Variants in DOK6 observed in about 807,000 individuals in gnomAD.
DOK6 encodes the protein docking protein 6.
Under a neutral mutation model 44.0 loss-of-function variants are expected in DOK6, and 22 were observed. That is an observed-to-expected ratio of 0.50 (90% CI 0.36 to 0.71). DOK6 has a LOEUF of 0.71. DOK6 is among the 30% of genes least tolerant of loss of function. The pLI is 0.00. For missense variants in DOK6, 340 were observed against 416.4 expected (o/e 0.82, Z 1.60); for synonymous variants, 166 against 145.5 (o/e 1.14, Z -1.01).
chr18:69,421,773 C>A (rs1263776932), intron 1 of DOK6, among the ~76,000 whole-genome samples: 1 of 152,076 alleles, frequency 6.6e-6, no homozygotes, highest in Non-Finnish European at 1.5e-5. Context: ...ATTCATTGGA[C>A]AAAATTGTGT....
chr18:69,712,749 C>A (rs62092674), intron 5 of DOK6, among the ~76,000 whole-genome samples: 1 of 151,772 alleles, frequency 6.6e-6, no homozygotes, highest in African/African-American at 2.4e-5. Flanking sequence ...CAGGAGGCTG[C>A]GGCAGGAGAA....
chr18:69,748,410 C>A (rs1444656816), intron 6 of DOK6, among the ~76,000 whole-genome samples: 3 of 151,848 alleles, frequency 2.0e-5, no homozygotes, highest in Admixed American at 2.0e-4. Context: ...ACCCCCAAAA[C>A]AACAAAATAT....
chr18:69,744,446 G>C (rs1978911622), intron 6 of DOK6, among the ~76,000 whole-genome samples: 1 of 106,774 alleles, frequency 9.4e-6, no homozygotes, highest in Non-Finnish European at 2.4e-5. Flanking sequence ...TTGCATATTT[G>C]TGATTTTTTT....
intron 3 of DOK6, among the ~76,000 whole-genome samples, chr18:69,654,315 T>C (rs1436881425): frequency 6.6e-6 from 1 of 152,190 alleles, no homozygotes; most frequent in Non-Finnish European, 1.5e-5. Context: ...ATTTTTCCAA[T>C]ATGACAAAAG....
intron 7 of DOK6, among the ~76,000 whole-genome samples, chr18:69,816,197 T>G (rs889341882): frequency 6.6e-6 from 1 of 152,194 alleles, no homozygotes. Context: ...CTATTTTGGG[T>G]TATTGAAGAA....
intron 5 of DOK6, among the ~76,000 whole-genome samples, chr18:69,699,471 A>AG (rs1385279288): frequency 6.6e-6 from 1 of 151,992 alleles, no homozygotes. Context: ...AATTTTAAGG[A>AG]GGGAAAAAAC....
At chr18:69,711,359 A>G (rs1986752881) in intron 5 of DOK6, among the ~76,000 whole-genome samples, 1 of 152,240 alleles carries the variant, frequency 6.6e-6, no homozygotes. Flanking sequence ...TTCAAATAAA[A>G]TCATCCTTAA....
chr18:69,659,737 C>G (rs1261527434), intron 3 of DOK6: 1 of 151,004 alleles, frequency 6.6e-6, no homozygotes, highest in Non-Finnish European at 1.5e-5. Context: ...CAGTGTCACT[C>G]TGAACATTGA....
At chr18:69,566,743 G>T (rs563611384) in intron 2 of DOK6, among the ~76,000 whole-genome samples, 1 of 152,324 alleles carries the variant, frequency 6.6e-6, no homozygotes, top group South Asian at 2.1e-4. Context: ...AGATGGAGAA[G>T]TATTTATAGA....
intron 1 of DOK6, among the ~76,000 whole-genome samples, chr18:69,545,856 C>A (rs1232672017): frequency 6.6e-6 from 1 of 151,410 alleles, no homozygotes. Flanking sequence ...TAAGTACATT[C>A]TCTTATAAAA....
intron 3 of DOK6, among the ~76,000 whole-genome samples, chr18:69,629,372 C>T (rs375341984): frequency 3.4e-4 from 51 of 152,122 alleles, no homozygotes; most frequent in African/African-American, 9.6e-4. Flanking sequence ...TTCAATCATA[C>T]TCAATGGCCA....
chr18:69,633,961 T>C (rs747614104), intron 3 of DOK6, among the ~76,000 whole-genome samples: 48 of 152,016 alleles, frequency 3.2e-4, no homozygotes, highest in Non-Finnish European at 5.7e-4. Context: ...GGAAAAGTAA[T>C]ATTGAAAGTC....
At chr18:69,419,221 A>G (rs981760626) in intron 1 of DOK6, among the ~76,000 whole-genome samples, 5 of 152,180 alleles carry the variant, frequency 3.3e-5, no homozygotes, top group African/African-American at 1.2e-4. Context: ...ATGAAATTCT[A>G]TTTTGTAACT....
At chr18:69,537,364 C>A (rs559035598) in intron 1 of DOK6, among the ~76,000 whole-genome samples, 1 of 152,230 alleles carries the variant, frequency 6.6e-6, no homozygotes, top group African/African-American at 2.4e-5. Context: ...TGTCTCAGTG[C>A]ACACTGAGAA....
intron 1 of DOK6, among the ~76,000 whole-genome samples, chr18:69,439,727 G>A (rs867865286): frequency 2.4e-4 from 36 of 152,236 alleles, no homozygotes; most frequent in African/African-American, 8.2e-4. Context: ...TTCTGGATTC[G>A]GCTTTGGCTT....
chr18:69,835,237 T>A (rs762625172), intron 7 of DOK6, among the ~76,000 whole-genome samples: 1 of 151,878 alleles, frequency 6.6e-6, no homozygotes, highest in Admixed American at 6.6e-5. Context: ...CCGAGGTGGG[T>A]GGATCACGAG....
At chr18:69,811,919 T>C (rs77884301) in intron 7 of DOK6, among the ~76,000 whole-genome samples, 5,806 of 152,152 alleles carry the variant, frequency 0.038, 167 homozygotes, top group Middle Eastern at 0.12. Context: ...AATAAATGTT[T>C]AGTGAACATC....
intron 3 of DOK6, among the ~76,000 whole-genome samples, chr18:69,650,965 C>G (rs1007958947): frequency 6.6e-6 from 1 of 152,118 alleles, no homozygotes; most frequent in South Asian, 2.1e-4. Context: ...AATTTAAGAA[C>G]AATCTTGATA....
chr18:69,528,679 C>T (rs1245184804), intron 1 of DOK6, among the ~76,000 whole-genome samples: 1 of 152,166 alleles, frequency 6.6e-6, no homozygotes, highest in Non-Finnish European at 1.5e-5. Flanking sequence ...AATGTATCTC[C>T]ATAGACTGTA....
Sources: allele counts gnomAD v4.1 joint callset (sites outside exome capture counted in the v4.1 genomes callset), GRCh38; gene constraint gnomAD v4.1.1; transcripts MANE v1.5; gene names NCBI Gene and HGNC (gene_info 2026-07-23, HGNC 2026-07-21).